Variants in UBE3C observed in about 807,000 individuals in gnomAD.
The protein encoded by UBE3C is ubiquitin protein ligase E3C.
UBE3C carries 42 observed loss-of-function variants against 129.4 expected under a neutral mutation model. That is an observed-to-expected ratio of 0.32 (90% CI 0.25 to 0.42). The LOEUF (loss-of-function observed/expected upper bound fraction) is 0.42, where lower values mean the gene tolerates loss of function less well. Ranked by LOEUF, UBE3C falls within the 10% of genes least tolerant of loss-of-function variation. UBE3C has a pLI of 1.00. For synonymous variants in UBE3C, 510 were observed against 492.4 expected (o/e 1.04, Z -0.47); for missense variants, 1,049 against 1,319.1 (o/e 0.80, Z 3.17).
At chr7:157,195,923 C>G (rs949171326) in intron 10 of UBE3C, among the ~76,000 whole-genome samples, 5 of 152,118 alleles carry the variant, frequency 3.3e-5, no homozygotes, top group African/African-American at 7.2e-5. Flanking sequence ...CCATGTAAAA[C>G]GTTAATGTCC....
At chr7:157,189,805 G>T (rs548871379) in intron 10 of UBE3C, among the ~76,000 whole-genome samples, 14 of 141,770 alleles carry the variant, frequency 9.9e-5, no homozygotes, top group African/African-American at 4.0e-4. Context: ...AGTTTTTTAG[G>T]GTTGTTAGTT....
At chr7:157,190,133 AATCTCTTTC>A (rs1364093829) in intron 10 of UBE3C, among the ~76,000 whole-genome samples, 2 of 152,208 alleles carry the variant, frequency 1.3e-5, no homozygotes, top group African/African-American at 4.8e-5. Context: ...TCCTCTGGGT[AATCTCTTTC>A]ATACAAGTGG....
chr7:157,180,582 A>AAAAACCAT (rs370244354), intron 6 of UBE3C, among the ~76,000 whole-genome samples: 27,515 of 152,118 alleles, frequency 0.18, 2,655 homozygotes, highest in East Asian at 0.35. Flanking sequence ...TGTGCTACCA[A>AAAAACCAT]ATACGCTTGT....
intron 10 of UBE3C, among the ~76,000 whole-genome samples, chr7:157,199,192 C>T (rs926192877): frequency 6.6e-6 from 1 of 152,166 alleles, no homozygotes; most frequent in Admixed American, 6.5e-5. Flanking sequence ...AACTCAATTT[C>T]TCAACTGAAG....
intron 18 of UBE3C, 111 bp downstream of exon 18, chr7:157,231,438 T>C: frequency 1.3e-6 from 2 of 1,497,118 alleles, no homozygotes; most frequent in Non-Finnish European, 1.8e-6. Flanking sequence ...GTTTTAAATT[T>C]GGATGCTAAA....
chr7:157,209,655 G>T (rs530065729), intron 13 of UBE3C, among the ~76,000 whole-genome samples: 10 of 152,284 alleles, frequency 6.6e-5, no homozygotes, highest in African/African-American at 2.4e-4. Context: ...CAGGTGTTGT[G>T]TATGATATCA....
At chr7:157,165,838 A>T (rs993465510) in intron 2 of UBE3C, among the ~76,000 whole-genome samples, 4 of 151,994 alleles carry the variant, frequency 2.6e-5, no homozygotes, top group Admixed American at 6.6e-5. Context: ...ACAATGTTTA[A>T]ACTCCAGTAA....
At chr7:157,229,867 C>T (rs192072493) in intron 17 of UBE3C, among the ~76,000 whole-genome samples, 2 of 152,132 alleles carry the variant, frequency 1.3e-5, no homozygotes, top group African/African-American at 4.8e-5. Context: ...TCTGCCTTGG[C>T]TTCCCAAAGT....
At chr7:157,214,035 T>G (rs983314529) in intron 13 of UBE3C, among the ~76,000 whole-genome samples, 1 of 152,178 alleles carries the variant, frequency 6.6e-6, no homozygotes, top group African/African-American at 2.4e-5. Flanking sequence ...TATCTTGATA[T>G]CCCATCCTTA....
chr7:157,210,165 ACTCT>A (rs1012604242), intron 13 of UBE3C, among the ~76,000 whole-genome samples: 1 of 150,548 alleles, frequency 6.6e-6, no homozygotes, highest in African/African-American at 2.4e-5. Context: ...CGGTAGGGTG[ACTCT>A]CTCTCCAAAA....
At chr7:157,192,791 ATGT>A (rs1397317146) in intron 10 of UBE3C, 2 of 1,301,588 alleles carry the variant, frequency 1.5e-6, no homozygotes, top group East Asian at 2.3e-5. Flanking sequence ...ATTGTGGCAA[ATGT>A]TGTCTGACTA....
At chr7:157,141,345 T>A (rs1159540172) in intron 1 of UBE3C, among the ~76,000 whole-genome samples, 2 of 152,158 alleles carry the variant, frequency 1.3e-5, no homozygotes, top group African/African-American at 2.4e-5. Flanking sequence ...TCCCCTGCAC[T>A]CTCACCCATT....
chr7:157,231,010 G>A (rs757870338), intron 17 of UBE3C, 70 bp from the exon 18 acceptor site: 4 of 1,581,318 alleles, frequency 2.5e-6, no homozygotes, highest in Non-Finnish European at 3.4e-6. Flanking sequence ...AAGCCTTCCT[G>A]TAAGGCTAGT....
rs572836357 is a variant in UBE3C at position 157,184,854 on chromosome 7, T to A, written c.1143+825T>A. On this transcript the variant is annotated intron_variant, in intron 9 of 22. Coordinates refer to ENST00000348165, the MANE Select transcript of UBE3C (RefSeq NM_014671.3). Reference sequence around the variant, plus strand: ...AGTCAGCTCAGGGCTTGATTTTTTTTAAAAAATAAGAGAAGACAAAGAAAG... The same window carrying A: ...AGTCAGCTCAGGGCTTGATTTTTTTAAAAAAATAAGAGAAGACAAAGAAAG... Among the ~76,000 whole-genome samples the A allele has an allele frequency of 7.7e-3, 1,176 of 152,188 alleles. 18 individuals are homozygous for A. Among genetic ancestry groups the A allele is most frequent in the African/African-American group, 0.024 (998 of 41,518 alleles).
intron 6 of UBE3C, among the ~76,000 whole-genome samples, chr7:157,180,685 C>G (rs1808644478): frequency 6.6e-6 from 1 of 152,188 alleles, no homozygotes; most frequent in Admixed American, 6.5e-5. Context: ...TTGGATCATT[C>G]TTGATACCCA....
At chr7:157,206,996 TGA>T (rs2117005740) in intron 11 of UBE3C, among the ~76,000 whole-genome samples, 1 of 152,328 alleles carries the variant, frequency 6.6e-6, no homozygotes, top group South Asian at 2.1e-4. Context: ...GAGACCAGAA[TGA>T]TTTGCCTTTA....
chr7:157,159,905 T>C (rs1445911183), intron 1 of UBE3C, among the ~76,000 whole-genome samples: 1 of 152,204 alleles, frequency 6.6e-6, no homozygotes, highest in Non-Finnish European at 1.5e-5. Flanking sequence ...AATTTAAAAA[T>C]AAAACTGTCT....
rs1362376097 is a variant in UBE3C at position 157,268,862 on chromosome 7, T to G, written c.*1107T>G. 1 of 152,666 alleles carries G rather than the reference T, an allele frequency of 6.6e-6. No homozygotes were observed. The highest frequency in any genetic ancestry group is 1.5e-5 in the Non-Finnish European group (1 of 68,046). The allele number at this position is 152,666 out of a possible 1,614,324, so 9.5% of individuals were successfully genotyped here. A position where few individuals can be genotyped will look rare whatever the true frequency, so the allele number is the denominator to read the frequency against. On this transcript the variant is annotated 3_prime_UTR_variant, in exon 23 of 23. Transcript: ENST00000348165. The stretch of plus-strand genomic sequence containing the variant: ...TTAGTCTCTACAAACAGAAAGCGTT[T>G]CAAAGCGTCAGCTGTGGGAGCAGAG...
Position 157,233,113 on chromosome 7 carries a change from T to TTC in UBE3C, c.2481+1786_2481+1787insTC, listed in dbSNP as rs533690214. On this transcript the variant is annotated intron_variant, in intron 18 of 22. Coordinates refer to ENST00000348165, the MANE Select transcript of UBE3C (RefSeq NM_014671.3). ...TTCAGTCTGTATGGATTTTTTTTTT[T>TTC]CTAGACATTTCATATAAGTGGAATC... Among the ~76,000 whole-genome samples, 27 of 152,132 alleles carry TTC rather than the reference T, an allele frequency of 1.8e-4. 1 individual carries two copies. The South Asian group carries it at 5.6e-3, about 32-fold the overall frequency.
Sources: gnomAD v4.1 joint callset for allele counts (sites outside exome capture counted in the v4.1 genomes callset) on GRCh38, gnomAD v4.1.1 for gene constraint, MANE v1.5 for transcripts, NCBI Gene and HGNC (gene_info 2026-07-23, HGNC 2026-07-21) for gene names.